DYNC1I1: variants seen among roughly 807,000 people sequenced by gnomAD.
DYNC1I1 encodes the protein cytoplasmic dynein 1 intermediate chain 1.
In DYNC1I1, 43 loss-of-function variants were observed where a neutral mutation model predicts 86.6. The observed-to-expected ratio is 0.50, with a 90% CI of 0.39 to 0.64. DYNC1I1 has a LOEUF of 0.64. DYNC1I1 is among the 30% of genes least tolerant of loss of function. DYNC1I1 has a pLI of 0.00. For missense variants in DYNC1I1, 604 were observed against 788.8 expected, an observed-to-expected ratio of 0.77 and a Z score of 2.81; for synonymous variants, 262 against 283.7, an observed-to-expected ratio of 0.92 and a Z score of 0.77.
chr7:96,006,900 G>T (rs930221972), intron 10 of DYNC1I1, among the ~76,000 whole-genome samples: 1 of 152,058 alleles, frequency 6.6e-6, no homozygotes, highest in African/African-American at 2.4e-5. Flanking sequence ...AAGAATATTT[G>T]GTTGGTTGTG....
At chr7:95,954,418 G>A (rs1562954773) in intron 6 of DYNC1I1, among the ~76,000 whole-genome samples, 2 of 151,938 alleles carry the variant, frequency 1.3e-5, no homozygotes, top group East Asian at 3.9e-4. Context: ...ACAACATGGA[G>A]CATTTCCATT....
intron 10 of DYNC1I1, among the ~76,000 whole-genome samples, chr7:96,004,273 G>A (rs1438058284): frequency 1.3e-5 from 2 of 152,056 alleles, no homozygotes; most frequent in African/African-American, 4.8e-5. Flanking sequence ...CTTTTATTAG[G>A]TGAAAGATTT....
chr7:95,935,871 A>G (rs1792027049), intron 6 of DYNC1I1, among the ~76,000 whole-genome samples: 1 of 152,074 alleles, frequency 6.6e-6, no homozygotes, highest in Admixed American at 6.6e-5. Context: ...AATGTCAACA[A>G]TTATCAGGGA....
At chr7:95,974,086 T>G (rs904867955) in intron 6 of DYNC1I1, among the ~76,000 whole-genome samples, 1 of 152,222 alleles carries the variant, frequency 6.6e-6, no homozygotes, top group Non-Finnish European at 1.5e-5. Flanking sequence ...GTCACCTCAT[T>G]GTGGCCTTGG....
intron 6 of DYNC1I1, among the ~76,000 whole-genome samples, chr7:95,947,758 G>A (rs1200138295): frequency 2.0e-5 from 3 of 152,154 alleles, no homozygotes; most frequent in African/African-American, 7.2e-5. Context: ...AATAATGGGA[G>A]AAATTTAGGA....
At chr7:95,915,073 G>A (rs1791433726) in intron 6 of DYNC1I1, among the ~76,000 whole-genome samples, 1 of 152,132 alleles carries the variant, frequency 6.6e-6, no homozygotes. Context: ...ATGACATAGT[G>A]AATTAACTGT....
chr7:96,022,869 CAATAAT>C lies in DYNC1I1; in HGVS notation c.970-5289_970-5284del, dbSNP rs578184278. 7.3e-5 allele frequency among the ~76,000 whole-genome samples: 11 copies of C among 150,546 alleles called. No homozygotes were observed. In the East Asian group the frequency reaches 2.0e-3, roughly 27 times the overall value. ...TGGGTGACAGAGCAAGACCTTGTCT[CAATAAT>C]AATAATAATAATAATATAAAGAAAA... On this transcript the variant is annotated intron_variant, in intron 10 of 16. Transcript: ENST00000447467.
chr7:96,030,741 A>T (rs946549753), intron 11 of DYNC1I1, among the ~76,000 whole-genome samples: 66 of 152,228 alleles, frequency 4.3e-4, no homozygotes, highest in African/African-American at 1.5e-3. Flanking sequence ...TTTTCAGGTG[A>T]AAATTTGTTA....
At chr7:95,904,486 G>A (rs1473398711) in intron 6 of DYNC1I1, among the ~76,000 whole-genome samples, 1 of 152,158 alleles carries the variant, frequency 6.6e-6, no homozygotes, top group Non-Finnish European at 1.5e-5. Context: ...TGGAGACTGG[G>A]AGATGAAGAG....
At chr7:95,794,569 T>C (rs1794388897) in intron 1 of DYNC1I1, among the ~76,000 whole-genome samples, 1 of 152,178 alleles carries the variant, frequency 6.6e-6, no homozygotes, top group Non-Finnish European at 1.5e-5. Context: ...CTCTCATCTC[T>C]ACTCTGTTAA....
intron 6 of DYNC1I1, among the ~76,000 whole-genome samples, chr7:95,927,473 C>T (rs2116397834): frequency 6.6e-6 from 1 of 152,174 alleles, no homozygotes; most frequent in African/African-American, 2.4e-5. Flanking sequence ...ATTGGATTAA[C>T]TGAGAATATT....
chr7:95,784,887 A>T (rs1217953438), intron 1 of DYNC1I1, among the ~76,000 whole-genome samples: 1 of 152,178 alleles, frequency 6.6e-6, no homozygotes, highest in Non-Finnish European at 1.5e-5. Flanking sequence ...ATGAGACAGA[A>T]CTTTGTATTA....
chr7:95,950,312 T>G (rs959690929), intron 6 of DYNC1I1, among the ~76,000 whole-genome samples: 2 of 152,124 alleles, frequency 1.3e-5, no homozygotes, highest in Non-Finnish European at 2.9e-5. Context: ...GTTTTGAAAG[T>G]TTTGTTTTGT....
At chr7:95,877,182 C>G (rs1054427119) in intron 6 of DYNC1I1, among the ~76,000 whole-genome samples, 4 of 152,108 alleles carry the variant, frequency 2.6e-5, no homozygotes, top group Non-Finnish European at 4.4e-5. Context: ...TCTCATACTG[C>G]CCCAGCTACT....
At chr7:96,049,060 C>G (rs899378483) in intron 14 of DYNC1I1, among the ~76,000 whole-genome samples, 2 of 151,930 alleles carry the variant, frequency 1.3e-5, no homozygotes, top group African/African-American at 4.8e-5. Flanking sequence ...GAGATTGAGA[C>G]CATCACGGCT....
At chr7:95,855,816 G>A (rs564577860) in intron 5 of DYNC1I1, among the ~76,000 whole-genome samples, 1 of 152,316 alleles carries the variant, frequency 6.6e-6, no homozygotes, top group South Asian at 2.1e-4. Flanking sequence ...TGGTATACCT[G>A]TATAGGAACT....
At chr7:95,982,349 T>G (rs1308960402) in intron 7 of DYNC1I1, among the ~76,000 whole-genome samples, 4 of 152,202 alleles carry the variant, frequency 2.6e-5, no homozygotes, top group Admixed American at 6.5e-5. Context: ...AATATTGTAT[T>G]GTCAATCATA....
At chr7:96,010,360 G>A (rs554099592) in intron 10 of DYNC1I1, among the ~76,000 whole-genome samples, 169 of 152,252 alleles carry the variant, frequency 1.1e-3, no homozygotes, top group Non-Finnish European at 1.9e-3. Flanking sequence ...TTAGGAGGGA[G>A]GCGACCTCAC....
chr7:95,855,908 A>T lies in DYNC1I1; in HGVS notation c.375-13975A>T, dbSNP rs149890570. On this transcript the variant is annotated intron_variant, in intron 5 of 16. Transcript: ENST00000447467. Reference sequence around the variant, plus strand: ...TGGTAAGTGAATGTGAAGGTCTAGGACATTACTGTACACCATAGACTTTAT... The same window carrying T: ...TGGTAAGTGAATGTGAAGGTCTAGGTCATTACTGTACACCATAGACTTTAT... Among the ~76,000 whole-genome samples, 4 of 152,338 alleles carry T rather than the reference A, an allele frequency of 2.6e-5. No homozygotes were observed. In the East Asian group the frequency reaches 7.7e-4, roughly 29 times the overall value.
Sources: gnomAD v4.1 joint callset for allele counts (sites outside exome capture counted in the v4.1 genomes callset) on GRCh38, gnomAD v4.1.1 for gene constraint, MANE v1.5 for transcripts, NCBI Gene and HGNC (gene_info 2026-07-23, HGNC 2026-07-21) for gene names.